Variants in DCDC2 observed in about 807,000 individuals in gnomAD.
DCDC2 encodes doublecortin domain containing 2.
DCDC2 carries 40 observed loss-of-function variants against 50.2 expected under a neutral mutation model. That is an observed-to-expected ratio of 0.80 (90% CI 0.62 to 1.04). DCDC2 has a LOEUF of 1.04. DCDC2 is among the 50% of genes least tolerant of loss of function. The pLI is 0.00. For missense variants in DCDC2, 570 were observed against 581.9 expected (o/e 0.98, Z 0.21); for synonymous variants, 234 against 210.6 (o/e 1.11, Z -0.96).
intron 9 of DCDC2, among the ~76,000 whole-genome samples, chr6:24,177,582 T>C (rs1351572790): frequency 1.3e-5 from 2 of 152,148 alleles, no homozygotes; most frequent in Non-Finnish European, 2.9e-5. Flanking sequence ...ATGGAGAACA[T>C]CCTGCCTCTT....
chr6:24,248,913 C>G (rs1762742016), intron 7 of DCDC2, among the ~76,000 whole-genome samples: 1 of 152,172 alleles, frequency 6.6e-6, no homozygotes, highest in Non-Finnish European at 1.5e-5. Flanking sequence ...GCCCTTATTC[C>G]TTTAAAACCA....
intron 2 of DCDC2, among the ~76,000 whole-genome samples, chr6:24,346,505 C>T (rs750215132): frequency 5.3e-5 from 8 of 152,108 alleles, no homozygotes; most frequent in Non-Finnish European, 1.2e-4. Context: ...CCTGTACTCC[C>T]AGCACTTTGG....
intron 7 of DCDC2, among the ~76,000 whole-genome samples, chr6:24,244,376 A>T (rs935129624): frequency 6.6e-6 from 1 of 152,222 alleles, no homozygotes; most frequent in Admixed American, 6.5e-5. Context: ...GGATGGTGGG[A>T]AAAGGACAGA....
chr6:24,344,167 T>C (rs1018616431), intron 2 of DCDC2, among the ~76,000 whole-genome samples: 1 of 152,124 alleles, frequency 6.6e-6, no homozygotes. Context: ...TTTTCTTCTA[T>C]GAGTTTGACT....
intron 8 of DCDC2, among the ~76,000 whole-genome samples, chr6:24,186,500 C>G (rs113432315): frequency 5.9e-5 from 9 of 152,152 alleles, no homozygotes; most frequent in Non-Finnish European, 1.2e-4. Context: ...TGTGCGCACA[C>G]ACACACTTCT....
chr6:24,292,134 A>G (rs1366207657), intron 4 of DCDC2, among the ~76,000 whole-genome samples: 1 of 152,220 alleles, frequency 6.6e-6, no homozygotes, highest in Non-Finnish European at 1.5e-5. Context: ...TTAAAAGAAC[A>G]GTCATAATTT....
intron 7 of DCDC2, among the ~76,000 whole-genome samples, chr6:24,243,655 G>T (rs1348600005): frequency 1.3e-5 from 2 of 152,126 alleles, no homozygotes; most frequent in Admixed American, 6.6e-5. Flanking sequence ...TGGAAGGAAG[G>T]CCCAGACATG....
intron 8 of DCDC2, among the ~76,000 whole-genome samples, chr6:24,188,308 A>C (rs911251706): frequency 6.6e-6 from 1 of 152,006 alleles, no homozygotes; most frequent in African/African-American, 2.4e-5. Context: ...TTCTCACTGT[A>C]ATAGTGCCCT....
At chr6:24,375,173 G>C in the DCDC2 span, among the ~76,000 whole-genome samples, 1 of 152,188 alleles carries the variant, frequency 6.6e-6, no homozygotes, top group Non-Finnish European at 1.5e-5. Flanking sequence ...CTGTGATTCT[G>C]CACCTGCCCT....
intron 8 of DCDC2, among the ~76,000 whole-genome samples, chr6:24,192,337 G>A (rs1478196616): frequency 6.6e-6 from 1 of 152,102 alleles, no homozygotes; most frequent in Non-Finnish European, 1.5e-5. Context: ...ACTTGGAGGA[G>A]GCCTGCCAAT....
intron 1 of DCDC2, chr6:24,357,166 T>C (rs1760484895): frequency 3.5e-6 from 1 of 286,072 alleles, no homozygotes; most frequent in African/African-American, 2.2e-5. Flanking sequence ...AAAGTATCAG[T>C]TTGGTCACTA....
chr6:24,222,868 TA>T (rs1460098748), intron 7 of DCDC2, among the ~76,000 whole-genome samples: 1 of 152,246 alleles, frequency 6.6e-6, no homozygotes, highest in African/African-American at 2.4e-5. Flanking sequence ...AAGCCATTAT[TA>T]TTTCCAATCA....
At chr6:24,382,193 G>A in the DCDC2 span, among the ~76,000 whole-genome samples, 1 of 152,048 alleles carries the variant, frequency 6.6e-6, no homozygotes, top group African/African-American at 2.4e-5. Context: ...ATGGGAGCAA[G>A]ACCCTCTAAG....
intron 7 of DCDC2, among the ~76,000 whole-genome samples, chr6:24,224,012 C>T (rs1732581690): frequency 6.6e-6 from 1 of 152,148 alleles, no homozygotes; most frequent in South Asian, 2.1e-4. Context: ...TTGTGACAAT[C>T]TGGATCAACT....
intron 4 of DCDC2, among the ~76,000 whole-genome samples, chr6:24,291,414 AG>A (rs1363319780): frequency 9.9e-5 from 15 of 151,840 alleles, no homozygotes; most frequent in African/African-American, 3.6e-4. Flanking sequence ...TACAGATCAC[AG>A]TGCTTTAAAT....
chr6:24,353,413 A>G, intron 2 of DCDC2, 156 bp downstream of exon 2: 5 of 657,992 alleles, frequency 7.6e-6, no homozygotes, highest in Non-Finnish European at 1.1e-5. Context: ...CAATGATTCA[A>G]AGAAAGAATT....
At chr6:24,177,580 C>T (rs1760952689) in intron 9 of DCDC2, among the ~76,000 whole-genome samples, 3 of 152,168 alleles carry the variant, frequency 2.0e-5, no homozygotes, top group African/African-American at 7.2e-5. Context: ...TTATGGAGAA[C>T]ATCCTGCCTC....
the DCDC2 span, among the ~76,000 whole-genome samples, chr6:24,372,624 G>C: frequency 9.9e-5 from 15 of 152,226 alleles, no homozygotes; most frequent in South Asian, 2.7e-3. Context: ...TAGGGACATG[G>C]ATGAAGCTGG....
At chr6:24,197,201 T>C (rs1761463834) in intron 8 of DCDC2, among the ~76,000 whole-genome samples, 1 of 152,170 alleles carries the variant, frequency 6.6e-6, no homozygotes, top group South Asian at 2.1e-4. Context: ...ACAAGTTAAA[T>C]AAGAAATCAA....
Sources: gnomAD v4.1 joint callset for allele counts (sites outside exome capture counted in the v4.1 genomes callset) on GRCh38, gnomAD v4.1.1 for gene constraint, MANE v1.5 for transcripts, NCBI Gene and HGNC (gene_info 2026-07-23, HGNC 2026-07-21) for gene names.